TMEM267: variants seen among roughly 807,000 people sequenced by gnomAD.
TMEM267 encodes transmembrane protein C5orf28.
TMEM267 carries 20 observed loss-of-function variants against 19.3 expected under a neutral mutation model. The ratio of observed to expected loss-of-function variants is 1.04; its 90% confidence interval spans 0.73 to 1.51. The LOEUF is 1.51. Ranked by LOEUF, TMEM267 falls within the 40% of genes most tolerant of loss-of-function variation. The pLI is 0.00. For synonymous variants in TMEM267, 88 were observed against 90.3 expected (o/e 0.97, Z 0.15); for missense variants, 242 against 261.9 (o/e 0.92, Z 0.52).
chr5:43,452,906 A>G (rs575779923), intron 2 of TMEM267, among the ~76,000 whole-genome samples: 1 of 152,338 alleles, frequency 6.6e-6, no homozygotes, highest in African/African-American at 2.4e-5. Flanking sequence ...AATGAAACAG[A>G]AAGTCCTTGC....
At chr5:43,480,926 T>A (rs1218026407) in intron 1 of TMEM267, among the ~76,000 whole-genome samples, 3 of 146,522 alleles carry the variant, frequency 2.0e-5, no homozygotes, top group Non-Finnish European at 3.0e-5. Context: ...CCTCTCAGCC[T>A]CCCGAGTAGC....
Position 43,444,617 on chromosome 5 carries a change from ATTTATTTG to A in TMEM267, c.*1597_*1604del, listed in dbSNP as rs979195978. On this transcript the variant is annotated 3_prime_UTR_variant, in exon 3 of 3. Coordinates refer to ENST00000397080, the MANE Select transcript of TMEM267 (RefSeq NM_022483.5). ...AATAAGGCCCTATATTTTTAATAAT[ATTTATTTG>A]TTTAATATGAAGAAAGAAAAAGTAG... 6.6e-6 allele frequency: 1 copy of A among 152,108 alleles called. No homozygotes were observed. Among genetic ancestry groups the A allele is most frequent in the Non-Finnish European group, 1.5e-5 (1 of 68,012 alleles). The allele number at this position is 152,108 out of a possible 1,614,324, so 9.4% of individuals were successfully genotyped here.
intron 1 of TMEM267, among the ~76,000 whole-genome samples, chr5:43,467,903 T>C (rs1424824345): frequency 1.3e-5 from 2 of 151,942 alleles, no homozygotes; most frequent in Non-Finnish European, 1.5e-5. Context: ...AAGCCCTCAG[T>C]TGGGGGGGGC....
At chr5:43,481,367 G>A (rs1307502915) in intron 1 of TMEM267, among the ~76,000 whole-genome samples, 3 of 151,980 alleles carry the variant, frequency 2.0e-5, no homozygotes, top group Non-Finnish European at 4.4e-5. Context: ...CTCCCAAAGT[G>A]CTGGGACTAC....
At chr5:43,448,960 CA>C (rs1162393456) in intron 2 of TMEM267, among the ~76,000 whole-genome samples, 1 of 147,576 alleles carries the variant, frequency 6.8e-6, no homozygotes, top group South Asian at 2.1e-4. Flanking sequence ...ATCAGAAATT[CA>C]AAAATGGAAA....
At chr5:43,477,601 A>AG (rs1226839231) in intron 1 of TMEM267, among the ~76,000 whole-genome samples, 1 of 151,710 alleles carries the variant, frequency 6.6e-6, no homozygotes, top group East Asian at 1.9e-4. Flanking sequence ...AAAAAAAAAA[A>AG]AAAAAAAAAA....
intron 1 of TMEM267, among the ~76,000 whole-genome samples, chr5:43,467,623 A>G (rs1221982102): frequency 2.6e-5 from 4 of 152,228 alleles, no homozygotes; most frequent in African/African-American, 7.2e-5. Context: ...AGGCCCCAAT[A>G]TAATAATAGT....
intron 1 of TMEM267, among the ~76,000 whole-genome samples, chr5:43,465,805 G>A (rs1458930323): frequency 6.6e-6 from 1 of 152,074 alleles, no homozygotes; most frequent in Non-Finnish European, 1.5e-5. Context: ...GTCCTGTTGT[G>A]GGGTGGGGGA....
At position 43,453,824 on chromosome 5, in the gene TMEM267, C is replaced by T. The variant is rs770928533; in HGVS notation, c.146G>A (p.Arg49His). The change falls in exon 2 of 3, where the codon CGT becomes CAT. Residue 49 changes from arginine to histidine, a missense_variant. Coordinates refer to ENST00000397080, the MANE Select transcript of TMEM267 (RefSeq NM_022483.5). ...FSTIQQNDWL[R>H]ALSDNAVHCV... ...ATGTACTGCATTATCTGAGAGAGCA[C>T]GAAGCCAGTCATTTTGCTGAATTGT... 6 of 1,613,974 alleles carry T rather than the reference C, an allele frequency of 3.7e-6. No individual in the cohort carries two copies. In the Admixed American group the frequency reaches 5.0e-5, roughly 13 times the overall value.
intron 1 of TMEM267, among the ~76,000 whole-genome samples, chr5:43,462,590 A>T (rs148152254): frequency 2.2e-3 from 340 of 152,310 alleles, no homozygotes; most frequent in African/African-American, 7.8e-3. Context: ...AAAAGATTGA[A>T]ATAATTAAAC....
chr5:43,461,979 T>C (rs757379835), intron 1 of TMEM267, among the ~76,000 whole-genome samples: 1 of 152,140 alleles, frequency 6.6e-6, no homozygotes, highest in Non-Finnish European at 1.5e-5. Context: ...GCAGGCATTG[T>C]GTGAGACCAA....
chr5:43,473,972 C>A (rs2112182624), intron 1 of TMEM267, among the ~76,000 whole-genome samples: 1 of 152,288 alleles, frequency 6.6e-6, no homozygotes, highest in Admixed American at 6.5e-5. Flanking sequence ...ACATCTACAA[C>A]CATCTGATCT....
Position 43,458,262 on chromosome 5 carries a change from G to A in TMEM267, c.-74-4219C>T, listed in dbSNP as rs898900438. ...ATCACAGTCACAGGCCACCATGCCTGGCTAATTTTTAAATTTTTTTGTAGA... is the reference window on the plus strand; with the variant it reads ...ATCACAGTCACAGGCCACCATGCCTAGCTAATTTTTAAATTTTTTTGTAGA... On this transcript the variant is annotated intron_variant, in intron 1 of 2. Transcript: ENST00000397080. Among the ~76,000 whole-genome samples the A allele has an allele frequency of 3.3e-5, 5 of 152,094 alleles. No individual in the cohort carries two copies. The East Asian group carries it at 7.8e-4, about 24-fold the overall frequency.
intron 1 of TMEM267, among the ~76,000 whole-genome samples, chr5:43,463,484 C>CA (rs1056431818): frequency 2.0e-5 from 3 of 151,910 alleles, no homozygotes; most frequent in African/African-American, 7.3e-5. Context: ...GAGACACAAC[C>CA]AAAAAAGAGA....
intron 1 of TMEM267, among the ~76,000 whole-genome samples, chr5:43,459,208 G>T (rs6866716): frequency 0.1 from 15,706 of 152,054 alleles, 1,084 homozygotes; most frequent in African/African-American, 0.18. Flanking sequence ...GTATGATTTT[G>T]GGGGGTAGGG....
chr5:43,452,787 T>C (rs954072430), intron 2 of TMEM267, among the ~76,000 whole-genome samples: 3 of 152,208 alleles, frequency 2.0e-5, no homozygotes, highest in African/African-American at 7.2e-5. Context: ...TTCTGAGAAA[T>C]ACCTGGTACT....
chr5:43,483,081 T>C (rs1744890573), intron 1 of TMEM267, among the ~76,000 whole-genome samples: 1 of 152,238 alleles, frequency 6.6e-6, no homozygotes, highest in South Asian at 2.1e-4. Flanking sequence ...CTGTAGTTGC[T>C]GTAAACTTAA....
intron 1 of TMEM267, among the ~76,000 whole-genome samples, chr5:43,473,020 C>T (rs1744179862): frequency 6.6e-6 from 1 of 151,550 alleles, no homozygotes; most frequent in Non-Finnish European, 1.5e-5. Flanking sequence ...CACCTGTAAT[C>T]CCAGCTACTC....
chr5:43,471,482 C>T (rs571376079), intron 1 of TMEM267, among the ~76,000 whole-genome samples: 6 of 151,188 alleles, frequency 4.0e-5, no homozygotes, highest in African/African-American at 1.2e-4. Flanking sequence ...CCAGAATACC[C>T]AAAGCTATCC....
Sources: allele counts gnomAD v4.1 joint callset (sites outside exome capture counted in the v4.1 genomes callset), GRCh38; gene constraint gnomAD v4.1.1; transcripts MANE v1.5; gene names NCBI Gene and HGNC (gene_info 2026-07-23, HGNC 2026-07-21).